Variants in DLGAP2 observed in about 807,000 individuals in gnomAD.
DLGAP2 encodes disks large-associated protein 2.
Under a neutral mutation model 100.3 loss-of-function variants are expected in DLGAP2, and 26 were observed. The ratio of observed to expected loss-of-function variants is 0.26; its 90% CI spans 0.19 to 0.36. DLGAP2 has a LOEUF of 0.36. Among genes scored for constraint, DLGAP2 ranks in the 10% least tolerant of loss-of-function variants. The probability of loss-of-function intolerance (pLI) is 1.00; values close to 1 mark genes in which losing one functional copy is unlikely to be tolerated. For synonymous variants in DLGAP2, 886 were observed against 630.1 expected, an observed-to-expected ratio of 1.41 and a Z score of -6.08; for missense variants, 1,858 against 1,453.2, an observed-to-expected ratio of 1.28 and a Z score of -4.53.
At position 1,366,963 on chromosome 8, in the gene DLGAP2, A is replaced by G. The variant is rs185386731; in HGVS notation, c.106+108080A>G. On this transcript the variant is annotated intron_variant, in intron 3 of 14. Transcript: ENST00000637795. Reference sequence around the variant, plus strand: ...TAGCATTTACATGGCAACCCCTCCAACACACACGCACGTGACCACAGACCC... The same window carrying G: ...TAGCATTTACATGGCAACCCCTCCAGCACACACGCACGTGACCACAGACCC... Among the ~76,000 whole-genome samples, 70 of 152,180 alleles carry G rather than the reference A, an allele frequency of 4.6e-4. 1 individual carries two copies. Among genetic ancestry groups the G allele is most frequent in the Admixed American group, 4.4e-3 (67 of 15,270 alleles).
intron 2 of DLGAP2, chr8:1,032,459 GCC>G (rs1802003307): frequency 6.6e-6 from 1 of 152,236 alleles, no homozygotes; most frequent in South Asian, 2.1e-4. Context: ...ATAATTCCAA[GCC>G]AGCCTAGGGA....
chr8:1,453,388 A>G (rs1798216679), intron 3 of DLGAP2, among the ~76,000 whole-genome samples: 1 of 152,222 alleles, frequency 6.6e-6, no homozygotes, highest in African/African-American at 2.4e-5. Flanking sequence ...AAAGAAAGAC[A>G]GCCCATAATG....
intron 1 of DLGAP2, among the ~76,000 whole-genome samples, chr8:804,814 C>T (rs992027746): frequency 1.3e-5 from 2 of 152,108 alleles, no homozygotes; most frequent in African/African-American, 2.4e-5. Context: ...CACCCAGGCT[C>T]GAGTGCAGTG....
chr8:1,045,913 C>T (rs1028339765), intron 2 of DLGAP2, among the ~76,000 whole-genome samples: 3 of 152,100 alleles, frequency 2.0e-5, no homozygotes, highest in East Asian at 3.9e-4. Context: ...CCAGACCTGC[C>T]GTTTGTAATC....
chr8:926,474 G>C (rs1798818632), intron 2 of DLGAP2, among the ~76,000 whole-genome samples: 2 of 152,158 alleles, frequency 1.3e-5, no homozygotes, highest in South Asian at 4.1e-4. Flanking sequence ...TTCTGTCTCT[G>C]TGTCTCACCG....
intron 4 of DLGAP2, among the ~76,000 whole-genome samples, chr8:1,538,525 T>C (rs970743929): frequency 6.6e-6 from 1 of 152,180 alleles, no homozygotes; most frequent in African/African-American, 2.4e-5. Context: ...GATAACCATT[T>C]TGTGAAAAGA....
At chr8:834,402 C>G (rs1429920779) in intron 1 of DLGAP2, among the ~76,000 whole-genome samples, 2 of 152,220 alleles carry the variant, frequency 1.3e-5, no homozygotes, top group Admixed American at 1.3e-4. Context: ...ATAATAGGCT[C>G]TGAGCAAATG....
chr8:1,693,817 G>T (rs1453493790), intron 13 of DLGAP2, among the ~76,000 whole-genome samples: 1 of 152,194 alleles, frequency 6.6e-6, no homozygotes, highest in Non-Finnish European at 1.5e-5. Context: ...GGTTTTGAGT[G>T]CCTCGAAAGA....
At chr8:1,274,287 C>T (rs968062733) in intron 3 of DLGAP2, among the ~76,000 whole-genome samples, 17 of 152,092 alleles carry the variant, frequency 1.1e-4, no homozygotes, top group East Asian at 3.8e-4. Context: ...GAATGACGCA[C>T]GCATGACACA....
At position 1,272,416 on chromosome 8, in the gene DLGAP2, A is replaced by C. The variant is rs543139161; in HGVS notation, c.106+13533A>C. 6.0e-4 allele frequency among the ~76,000 whole-genome samples: 92 copies of C among 152,108 alleles called. No homozygotes were observed. In the Middle Eastern group the frequency reaches 0.014, roughly 23 times the overall value. ...ATATATAGATGTTTTATATATTTAG[A>C]AGTTTTGTATATAGAAGTTATGTAC... On this transcript the variant is annotated intron_variant, in intron 3 of 14. Coordinates refer to ENST00000637795, the MANE Select transcript of DLGAP2 (RefSeq NM_001346810.2).
At chr8:1,350,173 C>T (rs75750478) in intron 3 of DLGAP2, among the ~76,000 whole-genome samples, 9,641 of 146,160 alleles carry the variant, frequency 0.066, 453 homozygotes, top group Middle Eastern at 0.14. Flanking sequence ...GCTCTTGTGG[C>T]GTGGAAAGGC....
chr8:1,519,705 G>C (rs111449223), intron 4 of DLGAP2, among the ~76,000 whole-genome samples: 1 of 152,230 alleles, frequency 6.6e-6, no homozygotes, highest in Non-Finnish European at 1.5e-5. Context: ...CCTGGGATCC[G>C]TATGCACTTG....
chr8:1,421,310 G>C lies in DLGAP2; in HGVS notation c.107-80056G>C, dbSNP rs189671251. Among the ~76,000 whole-genome samples the C allele has an allele frequency of 1.2e-4, 19 of 152,272 alleles. No individual in the cohort carries two copies. The East Asian group carries it at 3.7e-3, about 29-fold the overall frequency. ...TATCCAGTGCTTTTTGAACTGAAAA[G>C]CTTGTGTATAGGCCTTGCATACATT... On this transcript the variant is annotated intron_variant, in intron 3 of 14. Coordinates refer to ENST00000637795, the MANE Select transcript of DLGAP2 (RefSeq NM_001346810.2).
chr8:1,050,046 T>C (rs959842355), intron 2 of DLGAP2, among the ~76,000 whole-genome samples: 1 of 152,168 alleles, frequency 6.6e-6, no homozygotes, highest in East Asian at 1.9e-4. Context: ...ACACATGCTG[T>C]CACACACATG....
chr8:1,281,840 C>T (rs1036691422), intron 3 of DLGAP2, among the ~76,000 whole-genome samples: 19 of 152,188 alleles, frequency 1.2e-4, no homozygotes, highest in African/African-American at 9.6e-5. Flanking sequence ...TGATTTGCGA[C>T]GTGGCTCCAC....
At chr8:1,102,046 A>G (rs1804603243) in intron 2 of DLGAP2, among the ~76,000 whole-genome samples, 1 of 152,066 alleles carries the variant, frequency 6.6e-6, no homozygotes, top group Admixed American at 6.6e-5. Flanking sequence ...TTATAGGGGA[A>G]CATTCAATTC....
At chr8:1,005,296 C>G (rs1261429481) in intron 2 of DLGAP2, among the ~76,000 whole-genome samples, 3 of 151,928 alleles carry the variant, frequency 2.0e-5, no homozygotes, top group Non-Finnish European at 4.4e-5. Flanking sequence ...GACTTCTACT[C>G]AGAAAGTCTG....
At chr8:1,421,301 A>T (rs1797080347) in intron 3 of DLGAP2, among the ~76,000 whole-genome samples, 1 of 152,098 alleles carries the variant, frequency 6.6e-6, no homozygotes, top group Non-Finnish European at 1.5e-5. Flanking sequence ...GTGCTTTTTG[A>T]ACTGAAAAGC....
chr8:1,116,486 C>T (rs1292114847), intron 2 of DLGAP2, among the ~76,000 whole-genome samples: 1 of 152,134 alleles, frequency 6.6e-6, no homozygotes, highest in Non-Finnish European at 1.5e-5. Context: ...TGACAATATT[C>T]ACCTCACATT....
Sources: gnomAD v4.1 joint callset for allele counts (sites outside exome capture counted in the v4.1 genomes callset) on GRCh38, gnomAD v4.1.1 for gene constraint, MANE v1.5 for transcripts, NCBI Gene and HGNC (gene_info 2026-07-23, HGNC 2026-07-21) for gene names.